Variants in PRKAA2 observed in about 807,000 individuals in gnomAD.
The protein encoded by PRKAA2 is protein kinase AMP-activated catalytic subunit alpha 2, also known as 5'-AMP-activated protein kinase catalytic subunit alpha-2.
A neutral mutation model predicts 56.3 loss-of-function variants in PRKAA2; 40 were observed. The ratio of observed to expected loss-of-function variants is 0.71; its 90% confidence interval spans 0.55 to 0.92. The LOEUF (loss-of-function observed/expected upper bound fraction) is 0.92, where lower values mean the gene tolerates loss of function less well. Ranked by LOEUF, PRKAA2 falls within the 40% of genes least tolerant of loss-of-function variation. The pLI is 0.00. For missense variants in PRKAA2, 542 were observed against 686.9 expected, an observed-to-expected ratio of 0.79 and a Z score of 2.36; for synonymous variants, 214 against 234.2, an observed-to-expected ratio of 0.91 and a Z score of 0.79.
chr1:56,677,546 G>A (rs1003018658), intron 2 of PRKAA2, among the ~76,000 whole-genome samples: 6 of 152,118 alleles, frequency 3.9e-5, no homozygotes, highest in Non-Finnish European at 5.9e-5. Flanking sequence ...ACCCGTTTGG[G>A]TATGAGTCCT....
intron 5 of PRKAA2, 114 bp downstream of exon 5, chr1:56,693,966 T>C: frequency 2.9e-6 from 2 of 686,246 alleles, no homozygotes; most frequent in Non-Finnish European, 4.6e-6. Context: ...AATGGATTAT[T>C]CATTTATTTT....
rs887462182 is a variant in PRKAA2, at chr1:56,708,429, A to T, written c.*716A>T. ...TCAAGTTTCAAATTAATATTGGAAC[A>T]TCTGGAATTGCAACAACTTTTGTCT... On this transcript the variant is annotated 3_prime_UTR_variant, in exon 9 of 9. Transcript: ENST00000371244. The T allele has an allele frequency of 2.0e-5, 3 of 152,220 alleles. No individual in the cohort carries two copies. The highest frequency in any genetic ancestry group is 7.2e-5 in the African/African-American group (3 of 41,466). 9.4% of individuals were successfully genotyped at this position (152,220 alleles called of 1,614,324 possible).
chr1:56,686,310 C>G (rs1338144556), intron 2 of PRKAA2, among the ~76,000 whole-genome samples: 1 of 152,110 alleles, frequency 6.6e-6, no homozygotes, highest in Admixed American at 6.6e-5. Context: ...GGAAAACTGT[C>G]TTTGGTATTA....
chr1:56,691,406 C>A lies in PRKAA2; in HGVS notation c.249C>A (p.Ile83=). Residue 83 remains isoleucine (I), a synonymous_variant, in exon 3 of 9, where the codon ATC becomes ATA. Transcript: ENST00000371244. The part of the protein sequence containing the change: ...HPHIIKLYQV[I]STPTDFFMVM... ...ATTAACAAAAAAGATACCAGGTGATCAGCACTCCAACAGATTTTTTTATGG... is the reference window on the plus strand; with the variant it reads ...ATTAACAAAAAAGATACCAGGTGATAAGCACTCCAACAGATTTTTTTATGG... 6.2e-7 allele frequency: 1 copy of A among 1,610,526 alleles called. No homozygotes were observed. The highest frequency in any genetic ancestry group is 1.1e-5 in the South Asian group (1 of 90,546).
chr1:56,681,266 AGAT>A (rs1644153455), intron 2 of PRKAA2, among the ~76,000 whole-genome samples: 1 of 152,242 alleles, frequency 6.6e-6, no homozygotes, highest in African/African-American at 2.4e-5. Context: ...GCCCTTTGTC[AGAT>A]GGGTAGATTG....
chr1:56,670,152 C>T (rs1205581482), intron 1 of PRKAA2, among the ~76,000 whole-genome samples: 1 of 152,134 alleles, frequency 6.6e-6, no homozygotes, highest in African/African-American at 2.4e-5. Flanking sequence ...TTTCCATCAA[C>T]TCATATATGG....
chr1:56,690,018 A>G (rs1312049809), intron 2 of PRKAA2, among the ~76,000 whole-genome samples: 1 of 152,074 alleles, frequency 6.6e-6, no homozygotes, highest in East Asian at 1.9e-4. Flanking sequence ...ATTCACCTTC[A>G]ACAGTAGTCA....
chr1:56,686,633 A>C (rs1644193064), intron 2 of PRKAA2, among the ~76,000 whole-genome samples: 1 of 152,124 alleles, frequency 6.6e-6, no homozygotes, highest in African/African-American at 2.4e-5. Context: ...GGAAGGAGGA[A>C]GAGCCAGTCT....
intron 2 of PRKAA2, among the ~76,000 whole-genome samples, chr1:56,677,708 G>A (rs931919181): frequency 4.0e-5 from 6 of 150,366 alleles, no homozygotes; most frequent in African/African-American, 1.5e-4. Flanking sequence ...CCAGGCTGGA[G>A]TGCAGTGGTG....
rs1176870326 is a variant in PRKAA2, at chr1:56,659,490, C to T, written c.94+14009C>T. On this transcript the variant is annotated intron_variant, in intron 1 of 8. Coordinates refer to ENST00000371244, the MANE Select transcript of PRKAA2 (RefSeq NM_006252.4). ...CTAGCCTGGGTGACAGAACAAGACT[C>T]TGTCTCAAAAAAAAAAAAAGGAAAA... Among the ~76,000 whole-genome samples, 4 of 137,598 alleles carry T rather than the reference C, an allele frequency of 2.9e-5. No homozygotes were observed. In the East Asian group the frequency reaches 8.6e-4, roughly 29 times the overall value. The allele number at this position is 137,598 out of a possible 152,430, so 90.3% of individuals were successfully genotyped here.
intron 2 of PRKAA2, among the ~76,000 whole-genome samples, chr1:56,685,668 C>G (rs1269504205): frequency 6.6e-6 from 1 of 152,080 alleles, no homozygotes; most frequent in Non-Finnish European, 1.5e-5. Flanking sequence ...GATCAAGTAT[C>G]TAGATTTAAG....
chr1:56,653,619 G>A (rs1643918895), intron 1 of PRKAA2, among the ~76,000 whole-genome samples: 2 of 152,098 alleles, frequency 1.3e-5, no homozygotes, highest in Non-Finnish European at 2.9e-5. Context: ...GCACTCAGAA[G>A]TACTTATGTA....
chr1:56,648,107 A>T (rs557481775), intron 1 of PRKAA2, among the ~76,000 whole-genome samples: 7 of 152,246 alleles, frequency 4.6e-5, no homozygotes. Flanking sequence ...TTCTAAGTGT[A>T]CAATTCAGTG....
chr1:56,684,358 G>A (rs1383170803), intron 2 of PRKAA2, among the ~76,000 whole-genome samples: 4 of 152,076 alleles, frequency 2.6e-5, no homozygotes, highest in Non-Finnish European at 5.9e-5. Flanking sequence ...GAGTTCAGGG[G>A]AGAGGTGTAA....
intron 1 of PRKAA2, among the ~76,000 whole-genome samples, chr1:56,657,872 C>A (rs1217716047): frequency 6.6e-6 from 1 of 151,666 alleles, no homozygotes; most frequent in African/African-American, 2.4e-5. Flanking sequence ...AGAAAGTGAC[C>A]CCAGGTGGAA....
In PRKAA2 at chr1:56,674,365, T is replaced by A. The variant is rs755997624; in HGVS notation, c.95-16T>A. The A allele has an allele frequency of 6.6e-7, 1 of 1,524,558 alleles. No homozygotes were observed. The allele number at this position is 1,524,558 out of a possible 1,614,324, so 94.4% of individuals were successfully genotyped here. On this transcript the variant is annotated splice_polypyrimidine_tract_variant and intron_variant, in intron 1 of 8. Transcript: ENST00000371244. ...TGATATGATAGCACATTTTTTTTCCTTTTTCTTTTCTTTAGTTGGAGAACA... is the reference window on the plus strand; with the variant it reads ...TGATATGATAGCACATTTTTTTTCCATTTTCTTTTCTTTAGTTGGAGAACA...
chr1:56,701,615 C>T (rs138965294), intron 6 of PRKAA2, among the ~76,000 whole-genome samples: 156 of 152,004 alleles, frequency 1.0e-3, no homozygotes, highest in African/African-American at 3.5e-3. Flanking sequence ...AAGAAGTTGT[C>T]GCCGGGCGCG....
At position 56,712,493 on chromosome 1, in the gene PRKAA2, A is replaced by G. The variant is rs1644375120; in HGVS notation, c.*4780A>G. 1 of 152,194 alleles carries G rather than the reference A, an allele frequency of 6.6e-6. No individual in the cohort carries two copies. Among genetic ancestry groups the G allele is most frequent in the Non-Finnish European group, 1.5e-5 (1 of 68,032 alleles). 9.4% of individuals were successfully genotyped at this position (152,194 alleles called of 1,614,324 possible). ...TATTGAGGGTGCTTAAAAATGCTGA[A>G]GAAACTTTAAAACATGATTCTTCTT... On this transcript the variant is annotated 3_prime_UTR_variant, in exon 9 of 9. Transcript: ENST00000371244.
chr1:56,696,383 T>A (rs1294651084), intron 6 of PRKAA2, among the ~76,000 whole-genome samples: 1 of 152,184 alleles, frequency 6.6e-6, no homozygotes, highest in Admixed American at 6.5e-5. Flanking sequence ...TTCTTGTTTC[T>A]TTTTTGACCT....
Sources: allele counts gnomAD v4.1 joint callset (sites outside exome capture counted in the v4.1 genomes callset), GRCh38; gene constraint gnomAD v4.1.1; transcripts MANE v1.5; gene names NCBI Gene and HGNC (gene_info 2026-07-23, HGNC 2026-07-21).